CTNNA3: variants seen among roughly 807,000 people sequenced by gnomAD.
CTNNA3 encodes catenin alpha 3.
A neutral mutation model predicts 95.7 loss-of-function variants in CTNNA3; 76 were observed. The ratio of observed to expected loss-of-function variants is 0.79; its 90% CI spans 0.66 to 0.96. The LOEUF (loss-of-function observed/expected upper bound fraction) is 0.96. Among genes scored for constraint, CTNNA3 ranks in the 40% least tolerant of loss-of-function variants. The probability of loss-of-function intolerance (pLI) is 0.00; values close to 1 mark genes in which losing one functional copy is unlikely to be tolerated. For missense variants in CTNNA3, 1,191 were observed against 1,089.8 expected, an observed-to-expected ratio of 1.09 and a Z score of -1.31; for synonymous variants, 431 against 374.4, an observed-to-expected ratio of 1.15 and a Z score of -1.74.
intron 9 of CTNNA3, among the ~76,000 whole-genome samples, chr10:66,702,787 C>T (rs1209325711): frequency 2.0e-5 from 3 of 150,006 alleles, no homozygotes; most frequent in Admixed American, 6.7e-5. Flanking sequence ...TCGTTGTCGT[C>T]GTCTCTCTTT....
At chr10:66,539,185 A>G (rs955010813) in intron 10 of CTNNA3, among the ~76,000 whole-genome samples, 2 of 152,130 alleles carry the variant, frequency 1.3e-5, no homozygotes, top group Non-Finnish European at 2.9e-5. Context: ...AATAGGAGCC[A>G]CAGACACTTT....
At chr10:65,946,813 C>T (rs923589809) in intron 17 of CTNNA3, among the ~76,000 whole-genome samples, 2 of 150,758 alleles carry the variant, frequency 1.3e-5, no homozygotes, top group Non-Finnish European at 3.0e-5. Context: ...TCTTAAAAGT[C>T]CTTGCTACTA....
At chr10:67,720,561 ATCTC>A (rs1841174207) in intron 1 of CTNNA3, among the ~76,000 whole-genome samples, 1 of 151,994 alleles carries the variant, frequency 6.6e-6, no homozygotes, top group African/African-American at 2.4e-5. Context: ...TGGTGACAAA[ATCTC>A]TCAGCATTTG....
At chr10:66,922,573 T>C (rs182547238) in intron 7 of CTNNA3, among the ~76,000 whole-genome samples, 8 of 152,174 alleles carry the variant, frequency 5.3e-5, no homozygotes, top group African/African-American at 1.9e-4. Context: ...AGATCAGACC[T>C]GGTTGTGATG....
chr10:66,927,220 G>A lies in CTNNA3; in HGVS notation c.1048-151696C>T. ...CCATAACCATATCAGCAATATTGAC[G>A]AAAATGCTTTTAATGGAATACGCAG... is the stretch of plus-strand genomic sequence containing the variant. On this transcript the variant is annotated intron_variant, in intron 7 of 17. Coordinates refer to ENST00000433211, the MANE Select transcript of CTNNA3 (RefSeq NM_013266.4). This position sits in a 1 kb window ranked among gnomAD's most constrained non-coding sequence, Gnocchi z 4.7. 1.9e-6 allele frequency: 3 copies of A among 1,614,120 alleles called. No individual in the cohort carries two copies. The highest frequency in any genetic ancestry group is 2.5e-6 in the Non-Finnish European group (3 of 1,180,032).
chr10:66,628,332 T>C (rs1300883555), intron 9 of CTNNA3, among the ~76,000 whole-genome samples: 4 of 152,040 alleles, frequency 2.6e-5, no homozygotes, highest in African/African-American at 9.7e-5. Flanking sequence ...TTCCACTCCT[T>C]CCTAATAAAA....
At chr10:66,549,142 C>T (rs1842136039) in intron 10 of CTNNA3, among the ~76,000 whole-genome samples, 1 of 151,858 alleles carries the variant, frequency 6.6e-6, no homozygotes, top group East Asian at 1.9e-4. Context: ...TACAGGCGCC[C>T]GCCACCACGC....
intron 2 of CTNNA3, among the ~76,000 whole-genome samples, chr10:67,646,595 C>T (rs1016546945): frequency 1.4e-4 from 21 of 151,970 alleles, no homozygotes; most frequent in Admixed American, 2.0e-4. Flanking sequence ...ACATCCATCT[C>T]ACAAAAAAGA....
At chr10:67,605,423 A>G (rs1843235209) in intron 3 of CTNNA3, among the ~76,000 whole-genome samples, 1 of 152,196 alleles carries the variant, frequency 6.6e-6, no homozygotes, top group Non-Finnish European at 1.5e-5. Context: ...TGCAGTTATG[A>G]AGAATGAGCT....
At chr10:67,585,390 G>T (rs994718459) in intron 3 of CTNNA3, among the ~76,000 whole-genome samples, 2 of 152,060 alleles carry the variant, frequency 1.3e-5, no homozygotes, top group South Asian at 4.1e-4. Flanking sequence ...TCAATTTTTT[G>T]TAAAAGTTTC....
At chr10:67,297,791 T>C (rs2894035) in intron 5 of CTNNA3, among the ~76,000 whole-genome samples, 21,636 of 152,198 alleles carry the variant, frequency 0.14, 2,099 homozygotes, top group African/African-American at 0.28. Flanking sequence ...TAACACCTTG[T>C]TCATTATGGA....
intron 11 of CTNNA3, among the ~76,000 whole-genome samples, chr10:66,407,904 T>C (rs562346639): frequency 2.6e-5 from 4 of 152,308 alleles, no homozygotes; most frequent in South Asian, 4.1e-4. Flanking sequence ...TTAAATGTTT[T>C]CATTCATTAT....
At chr10:67,751,333 C>T in intron 1 of CTNNA3, 1 of 736,590 alleles carries the variant, frequency 1.4e-6, no homozygotes, top group South Asian at 1.5e-5. Context: ...TCTGAGATCA[C>T]AGTGACTTCG....
At chr10:66,211,086 A>G (rs888486478) in intron 13 of CTNNA3, among the ~76,000 whole-genome samples, 12 of 152,172 alleles carry the variant, frequency 7.9e-5, no homozygotes, top group African/African-American at 2.2e-4. Flanking sequence ...TTTATGACCA[A>G]TGTAAATTTG....
chr10:66,131,494 C>T (rs1333147153), intron 13 of CTNNA3, among the ~76,000 whole-genome samples: 2 of 152,074 alleles, frequency 1.3e-5, no homozygotes, highest in Non-Finnish European at 2.9e-5. Flanking sequence ...TTTGTAGACT[C>T]AATGTTATTT....
intron 7 of CTNNA3, among the ~76,000 whole-genome samples, chr10:66,872,456 C>T (rs1844447142): frequency 6.6e-6 from 1 of 151,972 alleles, no homozygotes. Flanking sequence ...ATTGTCTGAG[C>T]TCAGGAGTTC....
chr10:67,170,764 C>A (rs1437159938), intron 7 of CTNNA3, among the ~76,000 whole-genome samples: 1 of 152,004 alleles, frequency 6.6e-6, no homozygotes, highest in Non-Finnish European at 1.5e-5. Context: ...ACCCCTGTAT[C>A]TAAAAAAAGG....
At chr10:66,840,298 C>T (rs191069699) in intron 7 of CTNNA3, among the ~76,000 whole-genome samples, 3 of 141,804 alleles carry the variant, frequency 2.1e-5, no homozygotes, top group African/African-American at 7.7e-5. Context: ...GGACTTAGAT[C>T]CTGCATTTCT....
At chr10:66,356,117 GTTTTGTT>G (rs1489802179) in intron 12 of CTNNA3, among the ~76,000 whole-genome samples, 4 of 104,742 alleles carry the variant, frequency 3.8e-5, no homozygotes, top group Admixed American at 2.8e-4. Flanking sequence ...TTGTTTGCTT[GTTTTGTT>G]TTTTTTTTTT....
Sources: gnomAD v4.1 joint callset for allele counts (sites outside exome capture counted in the v4.1 genomes callset) on GRCh38, gnomAD v4.1.1 for gene constraint, Gnocchi (gnomAD v3.1) non-coding constraint, MANE v1.5 for transcripts, NCBI Gene and HGNC (gene_info 2026-07-23, HGNC 2026-07-21) for gene names.